ARID1B: variants seen among roughly 807,000 people sequenced by gnomAD.
ARID1B encodes the protein AT-rich interaction domain 1B.
In ARID1B, 30 loss-of-function variants were observed where a neutral mutation model predicts 212.3. That is an observed-to-expected ratio of 0.14 (90% CI 0.11 to 0.19). The LOEUF (loss-of-function observed/expected upper bound fraction) is 0.19, where lower values mean the gene tolerates loss of function less well. Among genes scored for constraint, ARID1B ranks in the 10% least tolerant of loss-of-function variants. ARID1B has a pLI of 1.00. For missense variants in ARID1B, 2,891 were observed against 3,204.0 expected (o/e 0.90, Z 2.36); for synonymous variants, 1,402 against 1,301.7 (o/e 1.08, Z -1.66).
At chr6:156,967,242 A>G (rs1413890865) in intron 4 of ARID1B, among the ~76,000 whole-genome samples, 2 of 152,244 alleles carry the variant, frequency 1.3e-5, no homozygotes, top group South Asian at 2.1e-4. Flanking sequence ...GTGTTGCTGA[A>G]TACAAGTTAG....
At chr6:157,044,380 A>G (rs1782084642) in intron 4 of ARID1B, among the ~76,000 whole-genome samples, 1 of 152,224 alleles carries the variant, frequency 6.6e-6, no homozygotes. Flanking sequence ...TCTGATCATT[A>G]TGAAAGTATC....
At chr6:156,950,421 T>C (rs1171582904) in intron 4 of ARID1B, among the ~76,000 whole-genome samples, 2 of 152,356 alleles carry the variant, frequency 1.3e-5, no homozygotes, top group Middle Eastern at 3.4e-3. Flanking sequence ...AAATACTTAA[T>C]GTTGAAACTT....
In ARID1B at chr6:157,200,854, G is replaced by A. The variant is rs759092517; in HGVS notation, c.4629G>A (p.Gln1543=). ...CGGGCCCGGACCGCAGGCCCATCCA[G>A]GGCCAGTACCCGTATCCCTACAGCA... ...SYSGPDRRPI[Q]GQYPYPYSRE... The change falls in exon 18 of 20, where the codon CAG becomes CAA. Residue 1543 remains glutamine (Q), a synonymous_variant. Coordinates refer to ENST00000636930, the MANE Select transcript of ARID1B (RefSeq NM_001374828.1). The surrounding 1 kb of genome is among the most constrained non-coding windows in gnomAD (Gnocchi z 4.3). 4.0e-5 allele frequency: 65 copies of A among 1,613,964 alleles called. No individual in the cohort carries two copies. In the Admixed American group the frequency reaches 4.5e-4, roughly 11 times the overall value.
At chr6:156,784,247 T>G (rs1403042229) in intron 1 of ARID1B, among the ~76,000 whole-genome samples, 1 of 152,168 alleles carries the variant, frequency 6.6e-6, no homozygotes, top group African/African-American at 2.4e-5. Context: ...GCACGCTTGC[T>G]GTGTGTGCTT....
rs2114981293 is a variant in ARID1B at position 156,778,647 on chromosome 6, G to C, written c.967G>C (p.Ala323Pro). 2 of 1,480,990 alleles carry C rather than the reference G, an allele frequency of 1.4e-6. No individual in the cohort carries two copies. The highest frequency in any genetic ancestry group is 1.8e-6 in the Non-Finnish European group (2 of 1,112,258). 91.7% of individuals were successfully genotyped at this position (1,480,990 alleles called of 1,614,324 possible). A position where few individuals can be genotyped will look rare whatever the true frequency, so the allele number is the denominator to read the frequency against. The part of the protein sequence containing the change: ...FNNYYGSAAP[A>P]SGGPGGRAGP... ...TAATTACTATGGCAGCGCTGCCCCT[G>C]CGAGCGGCGGCCCCGGCGGCCGCGC... The change falls in exon 1 of 20, where the codon GCG becomes CCG. Residue 323 changes from alanine (A) to proline (P), a missense_variant. Transcript: ENST00000636930.
intron 4 of ARID1B, among the ~76,000 whole-genome samples, chr6:157,037,422 G>A (rs770501245): frequency 6.6e-6 from 1 of 152,162 alleles, no homozygotes; most frequent in Non-Finnish European, 1.5e-5. Flanking sequence ...CAGAGGCTGC[G>A]AGTCGGGTGG....
intron 2 of ARID1B, among the ~76,000 whole-genome samples, chr6:156,866,613 T>C (rs1427689267): frequency 1.3e-5 from 2 of 152,238 alleles, no homozygotes; most frequent in African/African-American, 4.8e-5. Context: ...ATCTGCTGTC[T>C]TTATCCAGAG....
At chr6:157,146,464 G>C (rs192058490) in intron 7 of ARID1B, among the ~76,000 whole-genome samples, 2 of 152,148 alleles carry the variant, frequency 1.3e-5, no homozygotes, top group Non-Finnish European at 2.9e-5. Flanking sequence ...TGCTCATTCA[G>C]AGGACTCTCC....
intron 2 of ARID1B, among the ~76,000 whole-genome samples, chr6:156,848,892 C>T (rs890905341): frequency 1.3e-5 from 2 of 152,194 alleles, no homozygotes; most frequent in African/African-American, 4.8e-5. Flanking sequence ...CCTTTCTTCT[C>T]TGATATCTTT....
chr6:156,789,839 T>G (rs1308303201), intron 1 of ARID1B, among the ~76,000 whole-genome samples: 1 of 152,226 alleles, frequency 6.6e-6, no homozygotes, highest in Non-Finnish European at 1.5e-5. Flanking sequence ...GATACTTAAC[T>G]CATGGAATTT....
At chr6:157,073,780 TTA>T (rs1784131188) in intron 4 of ARID1B, among the ~76,000 whole-genome samples, 1 of 152,238 alleles carries the variant, frequency 6.6e-6, no homozygotes, top group Non-Finnish European at 1.5e-5. Context: ...AGCTGCCATG[TTA>T]TTATTCAACA....
intron 4 of ARID1B, among the ~76,000 whole-genome samples, chr6:156,966,386 C>CTTTTTTTTTTTTT (rs1214987532): frequency 1.0e-4 from 4 of 38,914 alleles, no homozygotes; most frequent in African/African-American, 1.6e-4. Context: ...CTTTTCTTTT[C>CTTTTTTTTTTTTT]TTTTTTTTTT....
chr6:156,847,852 G>C (rs1014457620), intron 2 of ARID1B, among the ~76,000 whole-genome samples: 27 of 152,122 alleles, frequency 1.8e-4, no homozygotes, highest in African/African-American at 6.3e-4. Context: ...TGCTCTCCAG[G>C]AGTCACAGAA....
intron 4 of ARID1B, among the ~76,000 whole-genome samples, chr6:157,045,188 G>A (rs997366051): frequency 9.2e-5 from 14 of 152,066 alleles, no homozygotes; most frequent in Admixed American, 9.2e-4. Flanking sequence ...TTTAAACAGG[G>A]TCATGAAATT....
intron 2 of ARID1B, among the ~76,000 whole-genome samples, chr6:156,865,396 C>A (rs1785612005): frequency 6.6e-6 from 1 of 152,198 alleles, no homozygotes; most frequent in African/African-American, 2.4e-5. Flanking sequence ...GAAGCACTTG[C>A]TCAACTGTCT....
chr6:156,800,722 C>T (rs1780720206), intron 1 of ARID1B, among the ~76,000 whole-genome samples: 1 of 151,972 alleles, frequency 6.6e-6, no homozygotes, highest in Non-Finnish European at 1.5e-5. Flanking sequence ...GCTTGGGCAA[C>T]ATAGTAAGAC....
At chr6:156,836,513 G>T (rs760443554) in intron 2 of ARID1B, among the ~76,000 whole-genome samples, 3 of 152,192 alleles carry the variant, frequency 2.0e-5, no homozygotes, top group Non-Finnish European at 2.9e-5. Flanking sequence ...TTGAGTCCTT[G>T]CCTGTTAAAG....
chr6:156,854,417 G>A (rs1200355801), intron 2 of ARID1B, among the ~76,000 whole-genome samples: 1 of 152,238 alleles, frequency 6.6e-6, no homozygotes, highest in African/African-American at 2.4e-5. Context: ...GGCAGTTCAG[G>A]AAGCCCTTTG....
intron 2 of ARID1B, among the ~76,000 whole-genome samples, chr6:156,885,793 TC>T (rs770861819): frequency 9.2e-5 from 14 of 152,322 alleles, no homozygotes; most frequent in Non-Finnish European, 1.6e-4. Context: ...CACAAGTTTA[TC>T]ATGTAAGTTA....
Sources: gnomAD v4.1 joint callset for allele counts (sites outside exome capture counted in the v4.1 genomes callset) on GRCh38, gnomAD v4.1.1 for gene constraint, Gnocchi (gnomAD v3.1) non-coding constraint, MANE v1.5 for transcripts, NCBI Gene and HGNC (gene_info 2026-07-23, HGNC 2026-07-21) for gene names.